Variants in PDE1C observed in about 807,000 individuals in gnomAD.
The protein encoded by PDE1C is phosphodiesterase 1C, also known as dual specificity calcium/calmodulin-dependent 3',5'-cyclic nucleotide phosphodiesterase 1C.
A neutral mutation model predicts 93.1 loss-of-function variants in PDE1C; 62 were observed. The ratio of observed to expected loss-of-function variants is 0.67; its 90% confidence interval spans 0.54 to 0.82. PDE1C has a LOEUF of 0.82. PDE1C is among the 40% of genes least tolerant of loss of function. PDE1C has a pLI of 0.00. For synonymous variants in PDE1C, 325 were observed against 310.1 expected (o/e 1.05, Z -0.50); for missense variants, 742 against 884.6 (o/e 0.84, Z 2.04).
chr7:32,070,534 G>A (rs1408557182), upstream of PDE1C: 28 of 1,482,874 alleles, frequency 1.9e-5, no homozygotes, highest in Non-Finnish European at 2.3e-5. Flanking sequence ...CCCCTTCTGC[G>A]CCCCCAGACT....
At chr7:32,082,233 C>G (rs980452040) in intron 3 of PDE1C, among the ~76,000 whole-genome samples, 1 of 152,262 alleles carries the variant, frequency 6.6e-6, no homozygotes, top group Admixed American at 6.5e-5. Context: ...CTCTGAGGGT[C>G]CTACGCCCAC....
At chr7:31,790,541 G>T (rs575385419) in intron 16 of PDE1C, among the ~76,000 whole-genome samples, 1 of 152,262 alleles carries the variant, frequency 6.6e-6, no homozygotes, top group African/African-American at 2.4e-5. Flanking sequence ...GGGATATTAA[G>T]CCACCTTCTT....
intron 3 of PDE1C, among the ~76,000 whole-genome samples, chr7:32,167,811 C>G (rs1166710878): frequency 2.0e-5 from 3 of 152,122 alleles, no homozygotes; most frequent in Non-Finnish European, 2.9e-5. Context: ...TATCATTAAC[C>G]CTTATTGTGG....
At chr7:31,775,945 T>C (rs1025392736) in intron 16 of PDE1C, among the ~76,000 whole-genome samples, 3 of 152,152 alleles carry the variant, frequency 2.0e-5, no homozygotes, top group Non-Finnish European at 4.4e-5. Flanking sequence ...GCAGTTCCTC[T>C]GGCTGGAAGG....
At chr7:32,164,169 C>T (rs555544832) in intron 3 of PDE1C, among the ~76,000 whole-genome samples, 3 of 152,278 alleles carry the variant, frequency 2.0e-5, no homozygotes, top group African/African-American at 7.2e-5. Context: ...GCACCCCAGA[C>T]CTACTGAATC....
chr7:31,811,721 G>A (rs1279541572), intron 15 of PDE1C, among the ~76,000 whole-genome samples: 4 of 152,052 alleles, frequency 2.6e-5, no homozygotes, highest in Admixed American at 2.0e-4. Context: ...TCTGGAAGTC[G>A]TGGAGATGGT....
chr7:32,241,880 T>C (rs1273095096), intron 1 of PDE1C, among the ~76,000 whole-genome samples: 1 of 151,926 alleles, frequency 6.6e-6, no homozygotes, highest in Non-Finnish European at 1.5e-5. Context: ...ATGCAGAGTA[T>C]GTGAGTGCAG....
intron 1 of PDE1C, among the ~76,000 whole-genome samples, chr7:32,222,341 A>G (rs1446642234): frequency 2.3e-4 from 35 of 152,178 alleles, no homozygotes; most frequent in Non-Finnish European, 1.5e-5. Context: ...GATGTTCACT[A>G]GACTGAGCTG....
At chr7:32,106,561 G>A (rs1161512325) in intron 3 of PDE1C, among the ~76,000 whole-genome samples, 1 of 152,012 alleles carries the variant, frequency 6.6e-6, no homozygotes, top group Non-Finnish European at 1.5e-5. Context: ...CATCAACAGG[G>A]CTCCTGTACA....
At chr7:32,131,170 CA>C (rs1161430738) in intron 3 of PDE1C, among the ~76,000 whole-genome samples, 1 of 152,082 alleles carries the variant, frequency 6.6e-6, no homozygotes, top group Non-Finnish European at 1.5e-5. Context: ...CATCACCTTT[CA>C]AAATTTTTCT....
At chr7:32,003,627 T>C (rs1321416194) in intron 2 of PDE1C, among the ~76,000 whole-genome samples, 1 of 152,182 alleles carries the variant, frequency 6.6e-6, no homozygotes, top group Non-Finnish European at 1.5e-5. Flanking sequence ...TATAACAACA[T>C]AGCTATGACT....
intron 17 of PDE1C, among the ~76,000 whole-genome samples, chr7:31,765,278 A>G (rs1795071280): frequency 6.6e-6 from 1 of 152,218 alleles, no homozygotes; most frequent in Non-Finnish European, 1.5e-5. Flanking sequence ...ATATAAAAAT[A>G]GACTAAAAAT....
chr7:31,800,339 C>T (rs559880602), intron 16 of PDE1C, among the ~76,000 whole-genome samples: 1 of 151,492 alleles, frequency 6.6e-6, no homozygotes, highest in South Asian at 2.1e-4. Flanking sequence ...AAAAGAGTTT[C>T]TCTTATATTT....
rs78758193 is a variant in PDE1C, at chr7:32,095,526, G to A, written c.308+74259C>T. 8.0e-3 allele frequency among the ~76,000 whole-genome samples: 1,217 copies of A among 152,320 alleles called. 13 individuals carry two copies. The highest frequency in any genetic ancestry group is 0.027 in the African/African-American group (1,134 of 41,566). On this transcript the variant is annotated intron_variant, in intron 3 of 18. Coordinates refer to the PDE1C transcript ENST00000396193. The stretch of plus-strand genomic sequence containing the variant: ...GCTGCAGAGGTATATGGGTTGGCCA[G>A]AATCATACCAGCCCTAACCTGGGCC...
At chr7:32,008,319 T>C (rs1786548857) in intron 2 of PDE1C, among the ~76,000 whole-genome samples, 1 of 152,206 alleles carries the variant, frequency 6.6e-6, no homozygotes, top group Non-Finnish European at 1.5e-5. Flanking sequence ...TCTGAATTTG[T>C]TGACTTGATG....
chr7:32,407,871 T>C (rs1006776100), intron 1 of PDE1C, among the ~76,000 whole-genome samples: 2 of 152,074 alleles, frequency 1.3e-5, no homozygotes, highest in African/African-American at 2.4e-5. Context: ...TTGTACAGTA[T>C]CCCAGATTGC....
intron 2 of PDE1C, among the ~76,000 whole-genome samples, chr7:31,970,693 A>T (rs549709000): frequency 2.0e-5 from 3 of 152,338 alleles, no homozygotes; most frequent in African/African-American, 7.2e-5. Context: ...TTCCCTCAAC[A>T]TGTAGATCAA....
chr7:32,273,363 G>A (rs1045861112), intron 1 of PDE1C, among the ~76,000 whole-genome samples: 1 of 152,216 alleles, frequency 6.6e-6, no homozygotes, highest in Non-Finnish European at 1.5e-5. Flanking sequence ...TCTTGGTCCT[G>A]TGCTTTGAGC....
chr7:31,625,609 CTGGGGA>C, the PDE1C span, among the ~76,000 whole-genome samples: 1 of 151,528 alleles, frequency 6.6e-6, no homozygotes, highest in Non-Finnish European at 1.5e-5. Context: ...ACATCACACT[CTGGGGA>C]CTGTTGTGGG....
Sources: gnomAD v4.1 joint callset for allele counts (sites outside exome capture counted in the v4.1 genomes callset) on GRCh38, gnomAD v4.1.1 for gene constraint, MANE v1.5 for transcripts, NCBI Gene and HGNC (gene_info 2026-07-23, HGNC 2026-07-21) for gene names.